Variants in ENOX1 observed in about 807,000 individuals in gnomAD.
ENOX1 encodes the protein ecto-NOX disulfide-thiol exchanger 1.
A neutral mutation model predicts 82.5 loss-of-function variants in ENOX1; 42 were observed. That is an observed-to-expected ratio of 0.51 (90% confidence interval 0.40 to 0.66). ENOX1 has a LOEUF of 0.66. Among genes scored for constraint, ENOX1 ranks in the 30% least tolerant of loss-of-function variants. The pLI, the probability that ENOX1 is intolerant of heterozygous loss-of-function variation, is 0.00. For missense variants in ENOX1, 608 were observed against 811.6 expected (o/e 0.75, Z 3.05); for synonymous variants, 271 against 282.2 (o/e 0.96, Z 0.40).
chr13:43,749,890 T>C (rs1362223127), intron 1 of ENOX1, among the ~76,000 whole-genome samples: 2 of 152,132 alleles, frequency 1.3e-5, no homozygotes, highest in Non-Finnish European at 2.9e-5. Context: ...AATTTATTAG[T>C]CCTCCCAACA....
chr13:43,698,663 C>T (rs2086761342), intron 1 of ENOX1, among the ~76,000 whole-genome samples: 1 of 152,048 alleles, frequency 6.6e-6, no homozygotes. Flanking sequence ...ATGATCTTAA[C>T]ACCATGATCA....
intron 2 of ENOX1, among the ~76,000 whole-genome samples, chr13:43,540,786 T>C (rs1220526588): frequency 1.3e-5 from 2 of 152,142 alleles, no homozygotes; most frequent in African/African-American, 4.8e-5. Flanking sequence ...GGCAAGAATG[T>C]AGGGGAGTGG....
At chr13:43,724,363 A>G (rs558467922) in intron 1 of ENOX1, among the ~76,000 whole-genome samples, 1 of 152,316 alleles carries the variant, frequency 6.6e-6, no homozygotes, top group South Asian at 2.1e-4. Flanking sequence ...TCTACCTCTT[A>G]GAGGTCTGAC....
intron 3 of ENOX1, among the ~76,000 whole-genome samples, chr13:43,421,862 T>C (rs1281734827): frequency 6.7e-6 from 1 of 149,660 alleles, no homozygotes; most frequent in East Asian, 1.9e-4. Context: ...TTATAAAATA[T>C]ATTTTACGTT....
chr13:43,367,744 G>T (rs1205634615), intron 5 of ENOX1, among the ~76,000 whole-genome samples: 1 of 133,764 alleles, frequency 7.5e-6, no homozygotes, highest in South Asian at 2.9e-4. Flanking sequence ...GAGGGTGGGG[G>T]GTGGGGTGGG....
intron 2 of ENOX1, among the ~76,000 whole-genome samples, chr13:43,591,836 C>T (rs1484732699): frequency 6.6e-6 from 1 of 152,102 alleles, no homozygotes; most frequent in Admixed American, 6.5e-5. Context: ...TGTGATAATC[C>T]TGGTGTTGGC....
At chr13:43,590,855 A>C (rs1186721076) in intron 2 of ENOX1, among the ~76,000 whole-genome samples, 1 of 152,158 alleles carries the variant, frequency 6.6e-6, no homozygotes, top group African/African-American at 2.4e-5. Context: ...AAATGTCAGA[A>C]ATAGGTATTT....
chr13:43,563,421 TA>T (rs1475989607), intron 2 of ENOX1, among the ~76,000 whole-genome samples: 4 of 151,728 alleles, frequency 2.6e-5, no homozygotes, highest in Admixed American at 6.6e-5. Context: ...AGCTACACTA[TA>T]AAAGAAGAAA....
intron 5 of ENOX1, among the ~76,000 whole-genome samples, chr13:43,405,662 G>C (rs953420848): frequency 6.6e-6 from 1 of 152,088 alleles, no homozygotes; most frequent in African/African-American, 2.4e-5. Context: ...CATTCCTGTG[G>C]TTTCTACAAT....
At chr13:43,490,091 C>T (rs1434568274) in intron 2 of ENOX1, among the ~76,000 whole-genome samples, 1 of 152,054 alleles carries the variant, frequency 6.6e-6, no homozygotes, top group African/African-American at 2.4e-5. Context: ...AGTGCCTGCC[C>T]CCACGCCCAG....
intron 3 of ENOX1, chr13:43,459,365 A>T (rs1211615990): frequency 6.6e-6 from 1 of 152,250 alleles, no homozygotes; most frequent in African/African-American, 2.4e-5. Flanking sequence ...AGAAAATAAC[A>T]GAGATAAGTT....
chr13:43,485,946 C>T (rs2076397750), intron 2 of ENOX1, among the ~76,000 whole-genome samples: 1 of 152,180 alleles, frequency 6.6e-6, no homozygotes, highest in East Asian at 1.9e-4. Flanking sequence ...TGCGGTGGCT[C>T]ATGCCTGTAA....
At chr13:43,245,838 T>A (rs751833425) in intron 14 of ENOX1, among the ~76,000 whole-genome samples, 2 of 152,366 alleles carry the variant, frequency 1.3e-5, no homozygotes, top group South Asian at 2.1e-4. Context: ...TTCTGAGATG[T>A]TCCACCTTAT....
chr13:43,498,106 C>G (rs909151030), intron 2 of ENOX1, among the ~76,000 whole-genome samples: 1 of 152,038 alleles, frequency 6.6e-6, no homozygotes, highest in Non-Finnish European at 1.5e-5. Flanking sequence ...CTCGCTGGTA[C>G]TTTTTCCTCT....
intron 1 of ENOX1, among the ~76,000 whole-genome samples, chr13:43,727,285 T>C (rs1437545091): frequency 6.6e-6 from 1 of 152,192 alleles, no homozygotes; most frequent in East Asian, 1.9e-4. Flanking sequence ...GACCAACATC[T>C]TCCTCTAGAC....
intron 2 of ENOX1, among the ~76,000 whole-genome samples, chr13:43,565,247 T>C (rs2079867149): frequency 6.6e-6 from 1 of 151,994 alleles, no homozygotes. Flanking sequence ...AACAAAGACA[T>C]TATGGCTGGA....
chr13:43,528,917 GA>G (rs1278765507), intron 2 of ENOX1, among the ~76,000 whole-genome samples: 2 of 151,982 alleles, frequency 1.3e-5, no homozygotes, highest in African/African-American at 4.8e-5. Flanking sequence ...TCGATTTAGA[GA>G]AATTATCTTA....
At chr13:43,699,891 G>A (rs1216284109) in intron 1 of ENOX1, among the ~76,000 whole-genome samples, 3 of 152,140 alleles carry the variant, frequency 2.0e-5, no homozygotes, top group Admixed American at 1.3e-4. Context: ...GTGTATGCAT[G>A]TATAACACAT....
intron 2 of ENOX1, among the ~76,000 whole-genome samples, chr13:43,522,214 C>T (rs920967617): frequency 4.6e-5 from 7 of 152,054 alleles, no homozygotes; most frequent in African/African-American, 1.7e-4. Flanking sequence ...ATTTTTACTA[C>T]TAAACCACAG....
Sources: gnomAD v4.1 joint callset for allele counts (sites outside exome capture counted in the v4.1 genomes callset) on GRCh38, gnomAD v4.1.1 for gene constraint, MANE v1.5 for transcripts, NCBI Gene and HGNC (gene_info 2026-07-23, HGNC 2026-07-21) for gene names.